The following CLDN16 variants were observed in gnomAD, a reference collection of about 807,000 sequenced individuals.
The protein encoded by CLDN16 is claudin-16.
A neutral mutation model predicts 24.6 loss-of-function variants in CLDN16; 13 were observed. That is an observed-to-expected ratio of 0.53 (90% CI 0.34 to 0.84). The LOEUF is 0.84. Among genes scored for constraint, CLDN16 ranks in the 40% least tolerant of loss-of-function variants. The pLI is 0.01. For missense variants in CLDN16, 298 were observed against 292.7 expected (o/e 1.02, Z -0.13); for synonymous variants, 116 against 106.7 (o/e 1.09, Z -0.54).
At chr3:190,370,049 G>C (rs1638469397) in intron 1 of CLDN16, among the ~76,000 whole-genome samples, 1 of 151,892 alleles carries the variant, frequency 6.6e-6, no homozygotes, top group South Asian at 2.1e-4. Flanking sequence ...TTATATGATA[G>C]GTATGACAAC....
At chr3:190,296,588 C>T in the CLDN16 span, among the ~76,000 whole-genome samples, 1 of 142,842 alleles carries the variant, frequency 7.0e-6, no homozygotes, top group Non-Finnish European at 1.5e-5. Flanking sequence ...CTCGCTCTGT[C>T]GCCCAGGCTG....
chr3:190,354,459 GAC>G (rs921589737), intron 1 of CLDN16, among the ~76,000 whole-genome samples: 3 of 151,938 alleles, frequency 2.0e-5, no homozygotes, highest in African/African-American at 7.3e-5. Context: ...GGATTTTGAA[GAC>G]ACACTCTTTT....
At chr3:190,341,523 C>A (rs192653415) in intron 1 of CLDN16, among the ~76,000 whole-genome samples, 3 of 151,986 alleles carry the variant, frequency 2.0e-5, no homozygotes, top group African/African-American at 7.3e-5. Flanking sequence ...AGCAGAGGAA[C>A]CCTGGGCCTG....
chr3:190,391,356 C>T lies in CLDN16; in HGVS notation c.114+2913C>T, dbSNP rs190515980. On this transcript the variant is annotated intron_variant, in intron 1 of 4. Coordinates refer to ENST00000264734, the MANE Select transcript of CLDN16 (RefSeq NM_006580.4). ...CCTACTAGAAGAGACAAAGATAAAGCAAAAATTGCTCCTGCCTCTCAGGAG... is the reference window on the plus strand; with the variant it reads ...CCTACTAGAAGAGACAAAGATAAAGTAAAAATTGCTCCTGCCTCTCAGGAG... Among the ~76,000 whole-genome samples the T allele has an allele frequency of 1.8e-3, 276 of 151,624 alleles. No individual in the cohort carries two copies. In the South Asian group the frequency reaches 0.019, roughly 11 times the overall value.
At chr3:190,367,235 GATAT>G (rs1339062259) in intron 1 of CLDN16, among the ~76,000 whole-genome samples, 16 of 151,936 alleles carry the variant, frequency 1.1e-4, no homozygotes, top group African/African-American at 3.6e-4. Context: ...TTTGACCATA[GATAT>G]TAAAGTGCAT....
the CLDN16 span, chr3:190,308,104 G>A: frequency 1.4e-6 from 1 of 718,366 alleles, no homozygotes; most frequent in Non-Finnish European, 2.3e-6. Flanking sequence ...ATAAGATTAA[G>A]CCATGTTTAG....
chr3:190,332,554 T>C (rs1717205153), intron 1 of CLDN16, among the ~76,000 whole-genome samples: 1 of 152,132 alleles, frequency 6.6e-6, no homozygotes, highest in Non-Finnish European at 1.5e-5. Context: ...AGGATTTAAA[T>C]TTTTCAGGTA....
Position 190,358,911 on chromosome 3 carries a change from T to C in CLDN16, n.122-11982T>C, listed in dbSNP as rs578232868. 8.2e-4 allele frequency among the ~76,000 whole-genome samples: 125 copies of C among 152,176 alleles called. 1 individual carries two copies. Among genetic ancestry groups the C allele is most frequent in the African/African-American group, 2.8e-3 (117 of 41,574 alleles). On this transcript the variant is annotated intron_variant and non_coding_transcript_variant, in intron 1 of 4. Transcript: ENST00000468220. Reference sequence around the variant, plus strand: ...AAATTTTCCTAAATAAGAGGCCTTATGGCCTTTCCTTTGAAAAATATTCAT... The same window carrying C: ...AAATTTTCCTAAATAAGAGGCCTTACGGCCTTTCCTTTGAAAAATATTCAT...
In CLDN16 at chr3:190,388,333, A is replaced by T. The variant is rs372525072; in HGVS notation, c.4A>T (p.Arg2Trp). 12 of 1,613,974 alleles carry T rather than the reference A, an allele frequency of 7.4e-6. No individual in the cohort carries two copies. The African/African-American group carries it at 1.1e-4, about 14-fold the overall frequency. ...TCCTGATGGGCTGCTTGCCACAATG[A>T]GGGATCTTCTTCAATACATCGCTTG... M[R>W]DLLQYIACFF... Residue 2 changes from arginine to tryptophan, a missense_variant, in exon 1 of 5, where the codon AGG (arginine) becomes TGG (tryptophan). By Grantham distance (101) the Arg-to-Trp change is moderately radical. Coordinates refer to ENST00000264734, the MANE Select transcript of CLDN16 (RefSeq NM_006580.4).
intron 1 of CLDN16, among the ~76,000 whole-genome samples, chr3:190,327,710 C>T (rs1319957483): frequency 1.3e-5 from 2 of 152,148 alleles, no homozygotes; most frequent in African/African-American, 4.8e-5. Flanking sequence ...TTACAACTAC[C>T]TAGTACAGTG....
At chr3:190,331,034 G>A (rs959988434) in intron 1 of CLDN16, among the ~76,000 whole-genome samples, 1 of 152,116 alleles carries the variant, frequency 6.6e-6, no homozygotes, top group Non-Finnish European at 1.5e-5. Context: ...AATAGAAAGA[G>A]GACAGAGTGC....
At chr3:190,371,320 A>G (rs1233295860) in intron 2 of CLDN16, among the ~76,000 whole-genome samples, 1 of 151,988 alleles carries the variant, frequency 6.6e-6, no homozygotes, top group Non-Finnish European at 1.5e-5. Flanking sequence ...ATAGATATAC[A>G]TGAGTCATAC....
intron 3 of CLDN16, among the ~76,000 whole-genome samples, chr3:190,380,856 A>C (rs1718356387): frequency 6.6e-6 from 1 of 152,082 alleles, no homozygotes; most frequent in Non-Finnish European, 1.5e-5. Flanking sequence ...TCAAAGCCTG[A>C]AGTTGCTTCC....
Position 190,410,617 on chromosome 3 carries a change from G to C in CLDN16, c.*581G>C, listed in dbSNP as rs981206118. The C allele has an allele frequency of 6.5e-6, 1 of 152,694 alleles. No individual in the cohort carries two copies. Among genetic ancestry groups the C allele is most frequent in the African/African-American group, 2.4e-5 (1 of 41,402 alleles). 9.5% of individuals were successfully genotyped at this position (152,694 alleles called of 1,614,324 possible). A position where few individuals can be genotyped will look rare whatever the true frequency, so the allele number is the denominator to read the frequency against. ...AGCCACTGGTGAGAGTTAAAGACAA[G>C]AGCTGCCCCCCCACCCCCAAATGTC... On this transcript the variant is annotated 3_prime_UTR_variant, in exon 5 of 5. Coordinates refer to ENST00000264734, the MANE Select transcript of CLDN16 (RefSeq NM_006580.4).
intron 1 of CLDN16, among the ~76,000 whole-genome samples, chr3:190,388,915 T>C (rs1718578851): frequency 6.6e-6 from 1 of 152,210 alleles, no homozygotes; most frequent in Non-Finnish European, 1.5e-5. Context: ...ATGCAAAACC[T>C]ACCCAATTAA....
intron 1 of CLDN16, among the ~76,000 whole-genome samples, chr3:190,392,532 A>T (rs1015337618): frequency 6.6e-6 from 1 of 152,154 alleles, no homozygotes; most frequent in East Asian, 1.9e-4. Context: ...TGAGTGGGAC[A>T]AATAGGTGAA....
chr3:190,382,493 C>A (rs1718390843), intron 3 of CLDN16, among the ~76,000 whole-genome samples: 1 of 152,100 alleles, frequency 6.6e-6, no homozygotes, highest in South Asian at 2.1e-4. Flanking sequence ...TTGGAGATGT[C>A]AATTATTCCC....
At chr3:190,325,270 C>A (rs942331939) in intron 1 of CLDN16, among the ~76,000 whole-genome samples, 6 of 152,182 alleles carry the variant, frequency 3.9e-5, no homozygotes, top group Non-Finnish European at 7.3e-5. Flanking sequence ...CGTGTCCATG[C>A]CTTTGACTGC....
At chr3:190,342,509 A>G (rs1349379692) in intron 1 of CLDN16, among the ~76,000 whole-genome samples, 1 of 152,236 alleles carries the variant, frequency 6.6e-6, no homozygotes, top group Non-Finnish European at 1.5e-5. Flanking sequence ...ATTTAACCAA[A>G]GAGGTGAAAG....
Sources: gnomAD v4.1 joint callset for allele counts (sites outside exome capture counted in the v4.1 genomes callset) on GRCh38, gnomAD v4.1.1 for gene constraint, MANE v1.5 for transcripts, NCBI Gene and HGNC (gene_info 2026-07-23, HGNC 2026-07-21) for gene names.